Variants in FTO observed in about 807,000 individuals in gnomAD.
The protein encoded by FTO is FTO alpha-ketoglutarate dependent dioxygenase.
A neutral mutation model predicts 63.9 loss-of-function variants in FTO; 47 were observed. The ratio of observed to expected loss-of-function variants is 0.74; its 90% CI spans 0.58 to 0.94. The LOEUF is 0.94. FTO is among the 40% of genes least tolerant of loss of function. The pLI is 0.00. For synonymous variants in FTO, 207 were observed against 224.4 expected, an observed-to-expected ratio of 0.92 and a Z score of 0.69; for missense variants, 562 against 618.1, an observed-to-expected ratio of 0.91 and a Z score of 0.96.
At chr16:53,847,055 A>G (rs1375751487) in intron 4 of FTO, among the ~76,000 whole-genome samples, 1 of 152,202 alleles carries the variant, frequency 6.6e-6, no homozygotes, top group Non-Finnish European at 1.5e-5. Context: ...ATATGAATAA[A>G]ACCAGATTTA....
At chr16:53,822,921 A>G (rs979286903) in intron 2 of FTO, among the ~76,000 whole-genome samples, 15 of 152,014 alleles carry the variant, frequency 9.9e-5, no homozygotes, top group Non-Finnish European at 2.2e-4. Flanking sequence ...CTCTTGTATC[A>G]TTCTCATGAG....
intron 1 of FTO, among the ~76,000 whole-genome samples, chr16:53,784,154 T>C (rs1490028997): frequency 1.3e-5 from 2 of 152,236 alleles, no homozygotes; most frequent in Non-Finnish European, 2.9e-5. Context: ...TCTATATTCA[T>C]AGCATCTTTC....
intron 1 of FTO, among the ~76,000 whole-genome samples, chr16:53,724,833 T>G (rs1170216127): frequency 6.6e-6 from 1 of 152,170 alleles, no homozygotes. Flanking sequence ...CCTCTGAATC[T>G]GGGATTGAGA....
At chr16:53,774,710 G>A (rs1333297727) in intron 1 of FTO, among the ~76,000 whole-genome samples, 8 of 152,270 alleles carry the variant, frequency 5.3e-5, no homozygotes, top group South Asian at 2.1e-4. Flanking sequence ...TGAAGGTGGA[G>A]CCTCCAGAGA....
chr16:53,911,168 T>G, intron 7 of FTO: 1 of 550,918 alleles, frequency 1.8e-6, no homozygotes, highest in South Asian at 2.5e-5. Context: ...CTCTCATATG[T>G]TAACTCAGGC....
intron 8 of FTO, among the ~76,000 whole-genome samples, chr16:54,012,987 G>C (rs1228726940): frequency 3.3e-5 from 5 of 152,190 alleles, no homozygotes; most frequent in African/African-American, 1.2e-4. Context: ...AGTAATTTCT[G>C]CTGTTAAGCC....
Position 53,893,579 on chromosome 16 carries a change from C to G in FTO, c.1239+4628C>G, listed in dbSNP as rs901916099. ...TTTTACCTATAAAAATGTTTTAACA[C>G]TATCAAATTCACAATGATACAGAAA... On this transcript the variant is annotated intron_variant, in intron 7 of 8. Transcript: ENST00000471389. Among the ~76,000 whole-genome samples the G allele has an allele frequency of 1.3e-4, 19 of 152,000 alleles. 1 individual carries two copies. Among genetic ancestry groups the G allele is most frequent in the African/African-American group, 4.1e-4 (17 of 41,458 alleles).
chr16:53,932,555 A>C (rs1209658659), intron 7 of FTO, among the ~76,000 whole-genome samples: 1 of 151,822 alleles, frequency 6.6e-6, no homozygotes, highest in African/African-American at 2.4e-5. Context: ...ACGCCTGGCA[A>C]ATTTTTGTAT....
At chr16:54,081,959 G>C (rs1281265602) in intron 8 of FTO, among the ~76,000 whole-genome samples, 2 of 152,166 alleles carry the variant, frequency 1.3e-5, no homozygotes, top group African/African-American at 2.4e-5. Context: ...CTGGTGCCAG[G>C]TCATTGGGGA....
At chr16:53,928,736 G>T (rs1241337457) in intron 7 of FTO, among the ~76,000 whole-genome samples, 2 of 152,062 alleles carry the variant, frequency 1.3e-5, no homozygotes, top group Non-Finnish European at 2.9e-5. Flanking sequence ...TTAAAAATGT[G>T]ATGCAAATGA....
intron 1 of FTO, among the ~76,000 whole-genome samples, chr16:53,730,692 C>T (rs1293837115): frequency 2.0e-5 from 3 of 151,940 alleles, no homozygotes; most frequent in East Asian, 1.9e-4. Context: ...GACTTGGTTT[C>T]GCTATTATTG....
chr16:53,715,542 C>T (rs541315158), intron 1 of FTO, among the ~76,000 whole-genome samples: 37 of 152,210 alleles, frequency 2.4e-4, no homozygotes, highest in African/African-American at 8.7e-4. Context: ...GTTTTTGCAT[C>T]GTTGTCTGAG....
At chr16:54,040,122 A>C (rs527375877) in intron 8 of FTO, 2 of 152,376 alleles carry the variant, frequency 1.3e-5, no homozygotes, top group South Asian at 4.1e-4. Flanking sequence ...TAATAATAAC[A>C]GTGCAAAAAT....
intron 1 of FTO, among the ~76,000 whole-genome samples, chr16:53,705,653 G>T (rs1456704321): frequency 6.6e-6 from 1 of 152,168 alleles, no homozygotes; most frequent in African/African-American, 2.4e-5. Context: ...GGGACCAGAA[G>T]TTTTCATGCT....
At chr16:53,964,735 G>A (rs1275112298) in intron 8 of FTO, among the ~76,000 whole-genome samples, 1 of 152,098 alleles carries the variant, frequency 6.6e-6, no homozygotes, top group African/African-American at 2.4e-5. Context: ...CATTATTTAA[G>A]TTTCATAGAA....
intron 8 of FTO, among the ~76,000 whole-genome samples, chr16:53,939,262 C>T (rs1052456677): frequency 1.3e-5 from 2 of 152,064 alleles, no homozygotes; most frequent in African/African-American, 2.4e-5. Context: ...GGGGGCATTT[C>T]GAGTGAGCAG....
chr16:53,913,986 GA>G (rs796724555), intron 7 of FTO, among the ~76,000 whole-genome samples: 2,757 of 111,982 alleles, frequency 0.025, 27 homozygotes, highest in Middle Eastern at 0.05. Flanking sequence ...CTCAAAAAAA[GA>G]AAAAAAAAAA....
At chr16:53,876,423 A>G (rs2080655622) in intron 5 of FTO, among the ~76,000 whole-genome samples, 3 of 152,224 alleles carry the variant, frequency 2.0e-5, no homozygotes, top group Admixed American at 2.0e-4. Flanking sequence ...ACTGAAGAAA[A>G]AAACAGATAA....
chr16:53,743,508 G>A (rs768185362), intron 1 of FTO, among the ~76,000 whole-genome samples: 10 of 150,346 alleles, frequency 6.7e-5, no homozygotes, highest in Non-Finnish European at 1.5e-4. Context: ...AGCCTCAGAT[G>A]AGTCTTTGAT....
Sources: allele counts gnomAD v4.1 joint callset (sites outside exome capture counted in the v4.1 genomes callset), GRCh38; gene constraint gnomAD v4.1.1; transcripts MANE v1.5; gene names NCBI Gene and HGNC (gene_info 2026-07-23, HGNC 2026-07-21).